STX8: variants seen among roughly 807,000 people sequenced by gnomAD.
The protein encoded by STX8 is syntaxin 8.
A neutral mutation model predicts 37.5 loss-of-function variants in STX8; 23 were observed. That is an observed-to-expected ratio of 0.61 (90% CI 0.44 to 0.87). STX8 has a LOEUF of 0.87. Among genes scored for constraint, STX8 ranks in the 40% least tolerant of loss-of-function variants. The probability of loss-of-function intolerance (pLI) is 0.00; values close to 1 mark genes in which losing one functional copy is unlikely to be tolerated. For synonymous variants in STX8, 115 were observed against 99.1 expected (o/e 1.16, Z -0.95); for missense variants, 313 against 284.7 (o/e 1.10, Z -0.71).
intron 6 of STX8, among the ~76,000 whole-genome samples, chr17:9,380,254 G>GTTTTTTTTTTTTTTTTTTTTT (rs34806016): frequency 2.2e-5 from 2 of 89,446 alleles, no homozygotes; most frequent in East Asian, 3.1e-4. Context: ...ATTTCTGTGT[G>GTTTTTTTTTTTTTTTTTTTTT]TTTTTTTTTT....
intron 6 of STX8, among the ~76,000 whole-genome samples, chr17:9,488,709 A>T (rs1906710785): frequency 6.6e-6 from 1 of 152,192 alleles, no homozygotes; most frequent in African/African-American, 2.4e-5. Flanking sequence ...ATCCTCCAGA[A>T]GGAAGAGCCA....
chr17:9,352,437 GAA>G (rs1420165648), intron 7 of STX8, among the ~76,000 whole-genome samples: 1 of 149,064 alleles, frequency 6.7e-6, no homozygotes, highest in Non-Finnish European at 1.5e-5. Flanking sequence ...TTAGCTGGGA[GAA>G]AGAGCCTCTC....
chr17:9,429,595 C>A (rs189080398), intron 6 of STX8, among the ~76,000 whole-genome samples: 112 of 135,534 alleles, frequency 8.3e-4, no homozygotes, highest in African/African-American at 3.0e-3. Flanking sequence ...CCCAGCTACT[C>A]GGGAGGCTGA....
At chr17:9,321,514 A>G (rs564951088) in intron 7 of STX8, among the ~76,000 whole-genome samples, 31 of 151,982 alleles carry the variant, frequency 2.0e-4, no homozygotes, top group African/African-American at 7.0e-4. Flanking sequence ...ACATATAAAT[A>G]TACTACTTAT....
At chr17:9,551,848 T>C (rs74383512) in intron 3 of STX8, among the ~76,000 whole-genome samples, 4,126 of 151,922 alleles carry the variant, frequency 0.027, 70 homozygotes, top group Non-Finnish European at 0.04. Flanking sequence ...CAATGGCACC[T>C]AGACATTCAG....
At chr17:9,557,876 C>T (rs1204274198) in intron 2 of STX8, among the ~76,000 whole-genome samples, 1 of 152,146 alleles carries the variant, frequency 6.6e-6, no homozygotes, top group Non-Finnish European at 1.5e-5. Context: ...CTTGGAACCA[C>T]GCAGGAAATT....
intron 6 of STX8, among the ~76,000 whole-genome samples, chr17:9,399,552 T>C (rs9891682): frequency 0.23 from 34,759 of 152,032 alleles, 4,225 homozygotes; most frequent in African/African-American, 0.29. Flanking sequence ...GTTTGTCCTG[T>C]TTTGTTTTGC....
intron 7 of STX8, among the ~76,000 whole-genome samples, chr17:9,298,201 T>C (rs1275463932): frequency 4.0e-5 from 6 of 151,830 alleles, no homozygotes; most frequent in African/African-American, 7.3e-5. Context: ...CTGATGGGAG[T>C]CCTTTCCTCT....
chr17:9,462,156 C>A (rs912871691), intron 6 of STX8, among the ~76,000 whole-genome samples: 2 of 152,066 alleles, frequency 1.3e-5, no homozygotes, highest in African/African-American at 2.4e-5. Flanking sequence ...GTTAGAGAAT[C>A]AGGGGAACAA....
At chr17:9,344,371 C>T (rs1000609636) in intron 7 of STX8, among the ~76,000 whole-genome samples, 3 of 152,010 alleles carry the variant, frequency 2.0e-5, no homozygotes, top group Middle Eastern at 3.2e-3. Context: ...AGCAATTCGC[C>T]TGCCTCAGCC....
chr17:9,363,705 G>A (rs1911138340), intron 7 of STX8, among the ~76,000 whole-genome samples: 1 of 152,150 alleles, frequency 6.6e-6, no homozygotes, highest in African/African-American at 2.4e-5. Flanking sequence ...ACCACTCTTA[G>A]AAATCATACC....
chr17:9,521,493 A>G (rs532977986), intron 4 of STX8, among the ~76,000 whole-genome samples: 45 of 152,376 alleles, frequency 3.0e-4, no homozygotes, highest in Non-Finnish European at 1.3e-4. Flanking sequence ...TCAAGAGATC[A>G]TGATTATGTA....
chr17:9,371,412 A>T (rs1597629681), intron 7 of STX8, among the ~76,000 whole-genome samples: 1 of 152,260 alleles, frequency 6.6e-6, no homozygotes, highest in South Asian at 2.1e-4. Flanking sequence ...TAGTTAAAGT[A>T]CACCTTGCTT....
intron 4 of STX8, among the ~76,000 whole-genome samples, chr17:9,505,941 CAAA>C (rs11311287): frequency 2.3e-4 from 23 of 101,544 alleles, no homozygotes; most frequent in Admixed American, 7.0e-4. Context: ...GACTCTGTCT[CAAA>C]AAAAAAAAAA....
chr17:9,429,337 A>G (rs905253905), intron 6 of STX8, among the ~76,000 whole-genome samples: 7 of 146,108 alleles, frequency 4.8e-5, no homozygotes, highest in Non-Finnish European at 1.0e-4. Flanking sequence ...TATTTTATAT[A>G]CATATATTTA....
chr17:9,373,799 T>C (rs7222112), intron 7 of STX8, among the ~76,000 whole-genome samples: 70,350 of 151,676 alleles, frequency 0.46, 17,460 homozygotes, highest in African/African-American at 0.64. Flanking sequence ...ATTAGCCAGA[T>C]GTGGTGGCGC....
chr17:9,309,151 T>C (rs1247977532), intron 7 of STX8, among the ~76,000 whole-genome samples: 1 of 152,134 alleles, frequency 6.6e-6, no homozygotes, highest in Admixed American at 6.6e-5. Flanking sequence ...AGAGCCAATA[T>C]CCAGAGCTCT....
chr17:9,388,038 CTCTTT>C (rs1912076617), intron 6 of STX8, among the ~76,000 whole-genome samples: 1 of 151,102 alleles, frequency 6.6e-6, no homozygotes, highest in Admixed American at 6.6e-5. Context: ...TAAACCTCTC[CTCTTT>C]ATTAGTTGTT....
intron 4 of STX8, among the ~76,000 whole-genome samples, chr17:9,510,080 G>A (rs527563977): frequency 1.3e-5 from 2 of 152,256 alleles, no homozygotes; most frequent in Admixed American, 1.3e-4. Context: ...ACAAGAGAAT[G>A]TAACAACTGT....
Sources: gnomAD v4.1 joint callset for allele counts (sites outside exome capture counted in the v4.1 genomes callset) on GRCh38, gnomAD v4.1.1 for gene constraint, MANE v1.5 for transcripts, NCBI Gene and HGNC (gene_info 2026-07-23, HGNC 2026-07-21) for gene names.